C1orf159: variants seen among roughly 807,000 people sequenced by gnomAD.
C1orf159 encodes chromosome 1 open reading frame 159.
A neutral mutation model predicts 25.6 loss-of-function variants in C1orf159; 19 were observed. That is an observed-to-expected ratio of 0.74 (90% CI 0.52 to 1.09). C1orf159 has a LOEUF of 1.09. C1orf159 is among the 50% of genes least tolerant of loss of function. The pLI is 0.00. For synonymous variants in C1orf159, 139 were observed against 124.7 expected, an observed-to-expected ratio of 1.12 and a Z score of -0.77; for missense variants, 274 against 290.6, an observed-to-expected ratio of 0.94 and a Z score of 0.42.
chr1:1,100,241 A>G (rs1180593647), intron 1 of C1orf159, among the ~76,000 whole-genome samples: 2 of 152,204 alleles, frequency 1.3e-5, no homozygotes, highest in Admixed American at 6.5e-5. Context: ...AATATTTAAT[A>G]TAATTATCAT....
intron 1 of C1orf159, among the ~76,000 whole-genome samples, chr1:1,098,077 T>A (rs1462900200): frequency 6.9e-6 from 1 of 144,676 alleles, no homozygotes; most frequent in Admixed American, 6.8e-5. Context: ...GAGTTACAAA[T>A]TTTTTTTTTT....
At chr1:1,097,560 G>A (rs562127056) in intron 1 of C1orf159, among the ~76,000 whole-genome samples, 5 of 151,248 alleles carry the variant, frequency 3.3e-5, no homozygotes, top group South Asian at 2.1e-4. Context: ...CTACAGGCTC[G>A]AGCCACCACA....
intron 7 of C1orf159, chr1:1,085,386 G>A (rs555497998): frequency 5.8e-4 from 190 of 330,130 alleles, no homozygotes; most frequent in Admixed American, 2.0e-3. Context: ...TCACAAGGCC[G>A]TCTCTCCAGT....
Position 1,087,375 on chromosome 1 carries a change from G to T in C1orf159, c.244+127C>A. The T allele has an allele frequency of 8.6e-7, 1 of 1,162,810 alleles. No homozygotes were observed. The highest frequency in any genetic ancestry group is 1.2e-6 in the Non-Finnish European group (1 of 837,514). 72.0% of individuals were successfully genotyped at this position (1,162,810 alleles called of 1,614,324 possible). On this transcript the variant is annotated intron_variant, in intron 5 of 9. Transcript: ENST00000421241. The surrounding 1 kb of genome is among the most constrained non-coding windows in gnomAD (Gnocchi z 8.3). Reference sequence around the variant, plus strand: ...GGCCCAGCAGACTCGGGAAGAGGGGGCTCCCGGGGCTGTTCCCCAGTGGAC... The same window carrying T: ...GGCCCAGCAGACTCGGGAAGAGGGGTCTCCCGGGGCTGTTCCCCAGTGGAC...
rs1332129207 is a variant in C1orf159, at chr1:1,094,095, T to C, written c.-135-1992A>G. On this transcript the variant is annotated intron_variant, in intron 1 of 9. Coordinates refer to ENST00000421241, the MANE Select transcript of C1orf159 (RefSeq NM_017891.5). Reference sequence around the variant, plus strand: ...GGGTGGAGTTGCAACATATACCTTTTTTTTTTTGGCAGGGGTGGGGGGCAT... The same window carrying C: ...GGGTGGAGTTGCAACATATACCTTTCTTTTTTTGGCAGGGGTGGGGGGCAT... 2.4e-4 allele frequency among the ~76,000 whole-genome samples: 37 copies of C among 152,092 alleles called. 1 individual carries two copies. Among genetic ancestry groups the C allele is most frequent in the Admixed American group, 2.4e-3 (37 of 15,272 alleles).
rs1025174365 is a variant in C1orf159, at chr1:1,089,090, G to A, written c.148+1263C>T. On this transcript the variant is annotated intron_variant, in intron 4 of 9. Coordinates refer to ENST00000421241, the MANE Select transcript of C1orf159 (RefSeq NM_017891.5). The surrounding 1 kb of genome is among the most constrained non-coding windows in gnomAD (Gnocchi z 7.5). ...CCCCAGAAGTGCCCGCTGCCTCCCC[G>A]AGCGGAGACGTGACCTGGCTTGGGG... Among the ~76,000 whole-genome samples, 3 of 152,180 alleles carry A rather than the reference G, an allele frequency of 2.0e-5. No homozygotes were observed. Among genetic ancestry groups the A allele is most frequent in the South Asian group, 2.1e-4 (1 of 4,836 alleles).
At chr1:1,086,552 C>T (rs1232985846) in intron 6 of C1orf159, among the ~76,000 whole-genome samples, 2 of 152,242 alleles carry the variant, frequency 1.3e-5, no homozygotes, top group Non-Finnish European at 2.9e-5. Flanking sequence ...GGGGAGGAGA[C>T]TCCCCAACCC....
chr1:1,093,467 C>T (rs924343837), intron 1 of C1orf159, among the ~76,000 whole-genome samples: 7 of 152,352 alleles, frequency 4.6e-5, no homozygotes, highest in African/African-American at 1.2e-4. Flanking sequence ...ACAGCCAGGA[C>T]GGTGCCCGGT....
intron 7 of C1orf159, among the ~76,000 whole-genome samples, chr1:1,084,738 G>A (rs937782078): frequency 6.6e-6 from 1 of 152,096 alleles, no homozygotes; most frequent in Non-Finnish European, 1.5e-5. Flanking sequence ...CAGGTGCGGG[G>A]GCCTCCCTAG....
chr1:1,097,914 A>G (rs1410454128), intron 1 of C1orf159, among the ~76,000 whole-genome samples: 1 of 151,684 alleles, frequency 6.6e-6, no homozygotes, highest in East Asian at 1.9e-4. Context: ...GGCTTCTGGG[A>G]GTGAATCTTA....
chr1:1,111,621 C>G (rs1646257599), intron 1 of C1orf159, among the ~76,000 whole-genome samples: 1 of 152,138 alleles, frequency 6.6e-6, no homozygotes, highest in African/African-American at 2.4e-5. Flanking sequence ...GCAAAACAAC[C>G]CTGTAAAAGC....
chr1:1,093,788 G>A (rs1645973479), intron 1 of C1orf159, among the ~76,000 whole-genome samples: 4 of 152,216 alleles, frequency 2.6e-5, no homozygotes, highest in Admixed American at 2.6e-4. Context: ...GTGGACATCT[G>A]TCTTCATTTC....
rs2100786435 is a variant in C1orf159 at position 1,116,074 on chromosome 1, G to C, written c.-150C>G. 1 of 152,174 alleles carries C rather than the reference G, an allele frequency of 6.6e-6. No individual in the cohort carries two copies. The highest frequency in any genetic ancestry group is 2.1e-4 in the South Asian group (1 of 4,818). 9.4% of individuals were successfully genotyped at this position (152,174 alleles called of 1,614,324 possible). On this transcript the variant is annotated 5_prime_UTR_variant, in exon 1 of 10. Coordinates refer to ENST00000421241, the MANE Select transcript of C1orf159 (RefSeq NM_017891.5). The surrounding 1 kb of genome is among the most constrained non-coding windows in gnomAD (Gnocchi z 4.8). ...CCCTCACTCACCCCGGCGCCCTCCGGGTTTCTCTTTCGTACACCCCGCCCT... is the reference window on the plus strand; with the variant it reads ...CCCTCACTCACCCCGGCGCCCTCCGCGTTTCTCTTTCGTACACCCCGCCCT...
chr1:1,090,281 G>A, intron 4 of C1orf159, 72 bp downstream of exon 4: 2 of 1,435,448 alleles, frequency 1.4e-6, no homozygotes, highest in South Asian at 1.2e-5. Flanking sequence ...TCACCGAGGG[G>A]AGGGCCCTGG....
In C1orf159 at chr1:1,087,803, G is replaced by A. The variant is rs1030978620; in HGVS notation, c.149-206C>T. Reference sequence around the variant, plus strand: ...CCCCACGCTGAGTACTCCACACTGCGCACCCTGACCCTGAGTACTCCGACC... The same window carrying A: ...CCCCACGCTGAGTACTCCACACTGCACACCCTGACCCTGAGTACTCCGACC... On this transcript the variant is annotated intron_variant, in intron 4 of 9. Coordinates refer to ENST00000421241, the MANE Select transcript of C1orf159 (RefSeq NM_017891.5). This position sits in a 1 kb window ranked among gnomAD's most constrained non-coding sequence, Gnocchi z 8.3. Among the ~76,000 whole-genome samples, 1 of 151,628 alleles carries A rather than the reference G, an allele frequency of 6.6e-6. No homozygotes were observed. The highest frequency in any genetic ancestry group is 2.4e-5 in the African/African-American group (1 of 41,196).
rs1557745864 is a variant in C1orf159, at chr1:1,085,866, T to C, written c.445+12A>G. 1 of 1,612,720 alleles carries C rather than the reference T, an allele frequency of 6.2e-7. No homozygotes were observed. Among genetic ancestry groups the C allele is most frequent in the Non-Finnish European group, 8.5e-7 (1 of 1,179,664 alleles). On this transcript the variant is annotated intron_variant, in intron 7 of 9. Coordinates refer to ENST00000421241, the MANE Select transcript of C1orf159 (RefSeq NM_017891.5). ...TGCCCTCCCGTGGGGCAGGTGCTGG[T>C]CCGGGAGATACCTTTGTTTCTTCTG... is the stretch of plus-strand genomic sequence containing the variant.
At position 1,082,616 on chromosome 1, in the gene C1orf159, G is replaced by C. The variant is rs1465709329; in HGVS notation, c.*277C>G. 2 of 478,196 alleles carry C rather than the reference G, an allele frequency of 4.2e-6. No individual in the cohort carries two copies. Among genetic ancestry groups the C allele is most frequent in the East Asian group, 4.0e-5 (1 of 24,774 alleles). The allele number at this position is 478,196 out of a possible 1,614,324, so 29.6% of individuals were successfully genotyped here. A position where few individuals can be genotyped will look rare whatever the true frequency, so the allele number is the denominator to read the frequency against. Reference sequence around the variant, plus strand: ...GCTGGGGCCTCACCGTGTTTCCTGGGGGGGCCCGGACCCCCCAAGGCCTCG... The same window carrying C: ...GCTGGGGCCTCACCGTGTTTCCTGGCGGGGCCCGGACCCCCCAAGGCCTCG... On this transcript the variant is annotated 3_prime_UTR_variant, in exon 10 of 10. Transcript: ENST00000421241.
rs1191500936 is a variant in C1orf159 at position 1,110,265 on chromosome 1, C to CA, written c.-136+5794dup. Among the ~76,000 whole-genome samples the CA allele has an allele frequency of 1.3e-5, 2 of 152,186 alleles. No individual in the cohort carries two copies. Among genetic ancestry groups the CA allele is most frequent in the African/African-American group, 2.4e-5 (1 of 41,428 alleles). On this transcript the variant is annotated intron_variant, in intron 1 of 9. Coordinates refer to ENST00000421241, the MANE Select transcript of C1orf159 (RefSeq NM_017891.5). This position sits in a 1 kb window ranked among gnomAD's most constrained non-coding sequence, Gnocchi z 4.8. ...TCCCATCCTTTTATGGCCGGAAACTCAATTTTTAAGGTTTCTCTGGGGTCC... is the reference window on the plus strand; with the variant it reads ...TCCCATCCTTTTATGGCCGGAAACTCAAATTTTTAAGGTTTCTCTGGGGTCC...
At chr1:1,105,325 G>A (rs1030957295) in intron 1 of C1orf159, among the ~76,000 whole-genome samples, 1 of 151,740 alleles carries the variant, frequency 6.6e-6, no homozygotes, top group African/African-American at 2.4e-5. Flanking sequence ...TTTTAAGACC[G>A]GCCTGGGCAA....
Sources: allele counts gnomAD v4.1 joint callset (sites outside exome capture counted in the v4.1 genomes callset), GRCh38; gene constraint gnomAD v4.1.1; non-coding constraint Gnocchi (gnomAD v3.1); transcripts MANE v1.5; gene names NCBI Gene and HGNC (gene_info 2026-07-23, HGNC 2026-07-21).